Variants in FSD2 observed in about 807,000 individuals in gnomAD.
FSD2 encodes fibronectin type III and SPRY domain containing 2, also known as fibronectin type III and SPRY domain-containing protein 2.
FSD2 carries 71 observed loss-of-function variants against 80.4 expected under a neutral mutation model. The ratio of observed to expected loss-of-function variants is 0.88; its 90% CI spans 0.73 to 1.08. The LOEUF is 1.08. Among genes scored for constraint, FSD2 ranks in the 50% least tolerant of loss-of-function variants. The pLI is 0.00. For missense variants in FSD2, 923 were observed against 913.8 expected, an observed-to-expected ratio of 1.01 and a Z score of -0.13; for synonymous variants, 361 against 329.5, an observed-to-expected ratio of 1.10 and a Z score of -1.03.
intron 4 of FSD2, among the ~76,000 whole-genome samples, chr15:82,781,802 G>A (rs902678958): frequency 2.0e-5 from 3 of 151,792 alleles, no homozygotes; most frequent in African/African-American, 7.3e-5. Flanking sequence ...GCTCACGCCT[G>A]TAATCTCAGC....
chr15:82,798,737 C>T lies in FSD2; in HGVS notation c.-79+7229G>A, dbSNP rs149163884. ...AGAAAACAGAAGTCAACAAGTTCGT[C>T]GGCTTCCCCTATCAGCTCTGTTTAA... On this transcript the variant is annotated intron_variant, in intron 1 of 12. Transcript: ENST00000334574. Among the ~76,000 whole-genome samples, 301 of 152,230 alleles carry T rather than the reference C, an allele frequency of 2.0e-3. 1 individual carries two copies. The highest frequency in any genetic ancestry group is 6.7e-3 in the African/African-American group (280 of 41,536).
rs1596237716 is a variant in FSD2, at chr15:82,772,158, C to T, written c.1182G>A (p.Trp394Ter). The T allele has an allele frequency of 6.2e-7, 1 of 1,612,246 alleles. No homozygotes were observed. ...CCACAGTGTCGTCGGAGTATAAGCT[C>T]CAGCACACTCGGACTGAGGAACCTG... ...SATGSSVRVC[W>*]SLYSDDTVES... The change falls in exon 7 of 13, where the codon TGG becomes TGA. Residue 394 changes from tryptophan (W) to a stop codon, truncating the protein, a stop_gained. Coordinates refer to ENST00000334574, the MANE Select transcript of FSD2 (RefSeq NM_001007122.4). LOFTEE classifies it high-confidence loss of function.
In FSD2 at chr15:82,787,010, C is replaced by T. The variant is rs374173678; in HGVS notation, c.381G>A (p.Ala127=). The T allele has an allele frequency of 5.1e-5, 82 of 1,613,992 alleles. No homozygotes were observed. Among genetic ancestry groups the T allele is most frequent in the Non-Finnish European group, 3.1e-5 (36 of 1,179,882 alleles). The change falls in exon 2 of 13, where the codon GCG becomes GCA. Residue 127 remains alanine, a synonymous_variant. Transcript: ENST00000334574. ...CTCCGAAGCCCAGGTCCTCGGCCTC[C>T]GCTGCCTCTCCACTAAGTCTCCAGT... ...QRDWRLSGEA[A]EAEDLGFGGW...
At chr15:82,762,653 C>G (rs1180472963) in intron 11 of FSD2, among the ~76,000 whole-genome samples, 1 of 152,150 alleles carries the variant, frequency 6.6e-6, no homozygotes, top group Non-Finnish European at 1.5e-5. Flanking sequence ...AAGTTCACCA[C>G]CATTGCTTAT....
chr15:82,762,102 C>T lies in FSD2; in HGVS notation c.1997G>A (p.Arg666Lys). 6.3e-7 allele frequency: 1 copy of T among 1,584,450 alleles called. No homozygotes were observed. The highest frequency in any genetic ancestry group is 8.6e-7 in the Non-Finnish European group (1 of 1,165,734). ...WCMRHTFASS[R>K]HKYEFLHNRT... is the part of the protein sequence containing the mutation. Reference sequence around the variant, plus strand: ...TGTGAGTATCCAGATTTTACTTTACCTTGATGATGCAAATGTGTGCCTCAT... The same window carrying T: ...TGTGAGTATCCAGATTTTACTTTACTTTGATGATGCAAATGTGTGCCTCAT... The change falls in exon 12 of 13, where the codon AGG becomes AAG. Residue 666 changes from arginine (R) to lysine (K), a missense_variant and splice_region_variant. Transcript: ENST00000334574.
chr15:82,802,630 A>G (rs778356496), intron 1 of FSD2, among the ~76,000 whole-genome samples: 1 of 152,190 alleles, frequency 6.6e-6, no homozygotes, highest in Non-Finnish European at 1.5e-5. Flanking sequence ...CTCTGGAAAT[A>G]GAACCTGAGA....
rs765144217 is a variant in FSD2, at chr15:82,765,324, AC to A, written c.1688-27del. ...CTGTGGGAGGAGGAACACACAGAAG[AC>A]CCGCAGCCAATCACTTGCTTTCTCC... On this transcript the variant is annotated intron_variant, in intron 10 of 12. Transcript: ENST00000334574. 8 of 1,612,064 alleles carry A rather than the reference AC, an allele frequency of 5.0e-6. 1 individual carries two copies. The highest frequency in any genetic ancestry group is 4.2e-6 in the Non-Finnish European group (5 of 1,179,186).
intron 9 of FSD2, 93 bp from the exon 10 acceptor site, chr15:82,766,124 A>G (rs1596230648): frequency 7.3e-7 from 1 of 1,363,390 alleles, no homozygotes; most frequent in Non-Finnish European, 9.7e-7. Context: ...GGTTTAACTC[A>G]CTCTTGCGCT....
intron 1 of FSD2, among the ~76,000 whole-genome samples, chr15:82,799,263 C>A (rs557737354): frequency 6.6e-6 from 1 of 152,302 alleles, no homozygotes; most frequent in East Asian, 1.9e-4. Flanking sequence ...GCTCTCCTGA[C>A]TGCTCCATGC....
At position 82,768,969 on chromosome 15, in the gene FSD2, A is replaced by G. The variant is rs577746839; in HGVS notation, c.1464T>C (p.Ile488=). The change falls in exon 9 of 13, where the codon ATT becomes ATC. Residue 488 remains isoleucine, a synonymous_variant. Coordinates refer to ENST00000334574, the MANE Select transcript of FSD2 (RefSeq NM_001007122.4). The part of the protein sequence containing the change: ...EIRSCEEAVL[I]CWESGNLNPV... Reference sequence around the variant, plus strand: ...GATTCAGGTTCCCAGACTCCCAGCAAATCAGCACAGCCTCTTCACAGCTCC... The same window carrying G: ...GATTCAGGTTCCCAGACTCCCAGCAGATCAGCACAGCCTCTTCACAGCTCC... 6.2e-6 allele frequency: 10 copies of G among 1,607,354 alleles called. No individual in the cohort carries two copies. In the African/African-American group the frequency reaches 1.1e-4, roughly 17 times the overall value.
At chr15:82,803,522 T>C (rs766036915) in intron 1 of FSD2, among the ~76,000 whole-genome samples, 1 of 152,088 alleles carries the variant, frequency 6.6e-6, no homozygotes, top group Non-Finnish European at 1.5e-5. Context: ...AGACTCACCC[T>C]AGGCCCTGGC....
intron 3 of FSD2, among the ~76,000 whole-genome samples, chr15:82,783,911 AT>A (rs1475114073): frequency 6.6e-6 from 1 of 152,200 alleles, no homozygotes; most frequent in Non-Finnish European, 1.5e-5. Context: ...GGTTCTGACA[AT>A]ATTAATCCAG....
chr15:82,802,008 G>A (rs918661327), intron 1 of FSD2, among the ~76,000 whole-genome samples: 3 of 152,166 alleles, frequency 2.0e-5, no homozygotes, highest in African/African-American at 4.8e-5. Context: ...CACAGCCAGT[G>A]TTTTGCCTTC....
In FSD2 at chr15:82,782,942, T is replaced by C. The variant is rs904934576; in HGVS notation, c.819A>G (p.Lys273=). The change falls in exon 4 of 13, where the codon AAA becomes AAG. Residue 273 remains lysine (K), a synonymous_variant. Transcript: ENST00000334574. The stretch of plus-strand genomic sequence containing the variant: ...TCTTTTTCTCCCCTAGAGCTTGTAT[T>C]TTTTCCTCATATTTTTGAGCAAGTG... ...LETLAQKYEE[K]IQALGEKKKE... The C allele has an allele frequency of 3.7e-6, 6 of 1,613,930 alleles. No individual in the cohort carries two copies. The highest frequency in any genetic ancestry group is 5.1e-6 in the Non-Finnish European group (6 of 1,179,880).
chr15:82,778,238 C>T (rs2151507562), intron 6 of FSD2, among the ~76,000 whole-genome samples: 1 of 146,960 alleles, frequency 6.8e-6, no homozygotes, highest in Non-Finnish European at 1.5e-5. Context: ...ACCTGTGTTC[C>T]ATGTTCATTG....
Position 82,759,619 on chromosome 15 carries a change from A to T in FSD2, c.1998-19T>A. On this transcript the variant is annotated intron_variant, in intron 12 of 12. Coordinates refer to ENST00000334574, the MANE Select transcript of FSD2 (RefSeq NM_001007122.4). ...CTTATGCCTGAAAATTAAATTTGAC[A>T]TAATAAAGTTTCAGTAATTCTATAG... is the stretch of plus-strand genomic sequence containing the variant. 1 of 1,527,582 alleles carries T rather than the reference A, an allele frequency of 6.5e-7. No individual in the cohort carries two copies. The highest frequency in any genetic ancestry group is 1.2e-5 in the South Asian group (1 of 80,398). 94.6% of individuals were successfully genotyped at this position (1,527,582 alleles called of 1,614,324 possible). A position where few individuals can be genotyped will look rare whatever the true frequency, so the allele number is the denominator to read the frequency against.
chr15:82,788,969 A>G (rs904310247), intron 1 of FSD2, among the ~76,000 whole-genome samples: 4 of 147,378 alleles, frequency 2.7e-5, no homozygotes, highest in African/African-American at 9.9e-5. Context: ...ACAGAGCAAG[A>G]CTCTGTCTAA....
At chr15:82,803,787 C>G (rs1462451909) in intron 1 of FSD2, among the ~76,000 whole-genome samples, 3 of 152,236 alleles carry the variant, frequency 2.0e-5, no homozygotes, top group East Asian at 3.9e-4. Flanking sequence ...TATCCCTTTT[C>G]CTGTCCCCTC....
At chr15:82,803,208 C>T (rs1337124871) in intron 1 of FSD2, among the ~76,000 whole-genome samples, 1 of 152,158 alleles carries the variant, frequency 6.6e-6, no homozygotes, top group Non-Finnish European at 1.5e-5. Flanking sequence ...CTCTGTGGCT[C>T]GAAATCTTGC....
Sources: allele counts gnomAD v4.1 joint callset (sites outside exome capture counted in the v4.1 genomes callset), GRCh38; gene constraint gnomAD v4.1.1; transcripts MANE v1.5; gene names NCBI Gene and HGNC (gene_info 2026-07-23, HGNC 2026-07-21).